The following PPP6R2 variants were observed in gnomAD, a reference collection of about 807,000 sequenced individuals.
The protein encoded by PPP6R2 is protein phosphatase 6 regulatory subunit 2.
PPP6R2 carries 62 observed loss-of-function variants against 100.2 expected under a neutral mutation model. The ratio of observed to expected loss-of-function variants is 0.62; its 90% CI spans 0.50 to 0.76. The LOEUF (loss-of-function observed/expected upper bound fraction) is 0.76. Among genes scored for constraint, PPP6R2 ranks in the 30% least tolerant of loss-of-function variants. The probability of loss-of-function intolerance (pLI) is 0.00; values close to 1 mark genes in which losing one functional copy is unlikely to be tolerated. For missense variants in PPP6R2, 1,142 were observed against 1,276.3 expected (o/e 0.89, Z 1.60); for synonymous variants, 525 against 514.7 (o/e 1.02, Z -0.27).
At chr22:50,337,659 G>T in the PPP6R2 span, among the ~76,000 whole-genome samples, 2 of 107,320 alleles carry the variant, frequency 1.9e-5, no homozygotes, top group African/African-American at 1.2e-4. Flanking sequence ...TGTGTGTGGT[G>T]TGTGTGGTGT....
chr22:50,345,999 C>G lies in PPP6R2; in HGVS notation c.-148+2449C>G, dbSNP rs140533495. ...CCCCCAGTCAGTGCCCCCCTCCAGT[C>G]AGTTCCCCCCAGTCAGTGCATCCTC... On this transcript the variant is annotated intron_variant, in intron 1 of 23. Coordinates refer to ENST00000612753, the MANE Select transcript of PPP6R2 (RefSeq NM_001242898.2). Among the ~76,000 whole-genome samples the G allele has an allele frequency of 6.0e-3, 4 of 664 alleles. 1 individual carries two copies. The African/African-American group carries it at 0.14, about 24-fold the overall frequency. The allele number at this position is 664 out of a possible 152,430, so 0.4% of individuals were successfully genotyped here.
chr22:50,393,666 A>AT (rs1435741905), intron 2 of PPP6R2: 165 of 969,876 alleles, frequency 1.7e-4, no homozygotes, highest in Non-Finnish European at 1.9e-4. Context: ...TGTGAGCCCA[A>AT]CCTGGAGAGG....
In PPP6R2 at chr22:50,441,042, CG is replaced by C. The variant is rs746258138; in HGVS notation, c.2579+21del. 1.3e-6 allele frequency: 2 copies of C among 1,535,386 alleles called. No individual in the cohort carries two copies. Among genetic ancestry groups the C allele is most frequent in the Non-Finnish European group, 1.8e-6 (2 of 1,137,868 alleles). ...CTGTCGGCAGGTGTGTGGGGCGTGG[CG>C]GGGGCGGGCCTGCCGGGTGCATAGG... On this transcript the variant is annotated intron_variant, in intron 22 of 23. Transcript: ENST00000612753.
chr22:50,409,575 GCA>G (rs2059450756), intron 4 of PPP6R2, among the ~76,000 whole-genome samples: 2 of 152,014 alleles, frequency 1.3e-5, no homozygotes, highest in South Asian at 4.1e-4. Context: ...CTGCAGGCGT[GCA>G]CCCCCACGCC....
At chr22:50,332,787 C>G in the PPP6R2 span, among the ~76,000 whole-genome samples, 1 of 151,108 alleles carries the variant, frequency 6.6e-6, no homozygotes, top group South Asian at 2.1e-4. Context: ...CCACGCCCAG[C>G]TAATTTTTGT....
At chr22:50,358,793 G>T (rs2148282769) in intron 1 of PPP6R2, among the ~76,000 whole-genome samples, 1 of 152,168 alleles carries the variant, frequency 6.6e-6, no homozygotes, top group East Asian at 1.9e-4. Context: ...CAATTATTCT[G>T]CCATCATTTG....
At chr22:50,372,696 CT>C (rs947635991) in intron 2 of PPP6R2, among the ~76,000 whole-genome samples, 9 of 148,408 alleles carry the variant, frequency 6.1e-5, no homozygotes, top group Admixed American at 6.7e-5. Context: ...TTTAATTCTT[CT>C]TTTTTTTTTG....
chr22:50,364,836 C>T (rs1373165175), intron 1 of PPP6R2, among the ~76,000 whole-genome samples: 4 of 151,646 alleles, frequency 2.6e-5, no homozygotes, highest in Non-Finnish European at 2.9e-5. Context: ...GTATTGTGTG[C>T]GGGTCCCACT....
chr22:50,336,764 T>A, the PPP6R2 span, among the ~76,000 whole-genome samples: 1 of 151,510 alleles, frequency 6.6e-6, no homozygotes. Context: ...TGCAGTACAG[T>A]GGCGTGGTCA....
chr22:50,350,553 T>A (rs2044824886), intron 1 of PPP6R2, among the ~76,000 whole-genome samples: 1 of 150,336 alleles, frequency 6.7e-6, no homozygotes, highest in African/African-American at 2.4e-5. Context: ...TCTGAAATAA[T>A]AAGAAAATTA....
At chr22:50,372,750 G>A (rs1038973843) in intron 2 of PPP6R2, among the ~76,000 whole-genome samples, 1 of 150,998 alleles carries the variant, frequency 6.6e-6, no homozygotes, top group Non-Finnish European at 1.5e-5. Context: ...GTGCAGTGGT[G>A]TGATCTCGGC....
chr22:50,440,058 G>C lies in PPP6R2; in HGVS notation c.2374+9G>C, dbSNP rs1697010241. ...AGGCCCTGAGAAAGCCTGTGAGTAGGAGCAGTGCAGGCGGCACCCAGCCTT... is the reference window on the plus strand; with the variant it reads ...AGGCCCTGAGAAAGCCTGTGAGTAGCAGCAGTGCAGGCGGCACCCAGCCTT... On this transcript the variant is annotated intron_variant, in intron 21 of 23. Transcript: ENST00000612753. 6.2e-7 allele frequency: 1 copy of C among 1,608,874 alleles called. No homozygotes were observed. The highest frequency in any genetic ancestry group is 1.3e-5 in the African/African-American group (1 of 75,000).
the PPP6R2 span, among the ~76,000 whole-genome samples, chr22:50,337,535 G>A: frequency 4.4e-3 from 642 of 144,320 alleles, 2 homozygotes; most frequent in African/African-American, 0.015. Context: ...TGTGTATAGT[G>A]TGTGCGATGT....
intron 6 of PPP6R2, among the ~76,000 whole-genome samples, chr22:50,417,389 G>A (rs998146390): frequency 1.3e-5 from 2 of 152,134 alleles, no homozygotes; most frequent in African/African-American, 4.8e-5. Context: ...ACTCCAGGAC[G>A]GGATTGCTAG....
intron 4 of PPP6R2, among the ~76,000 whole-genome samples, chr22:50,410,008 G>A (rs1603283253): frequency 6.6e-6 from 1 of 152,148 alleles, no homozygotes; most frequent in Non-Finnish European, 1.5e-5. Flanking sequence ...GATTACAGGT[G>A]TGAGCCACTG....
In PPP6R2 at chr22:50,437,485, CCCT is replaced by C; in HGVS notation, c.1684-18_1684-16del. ...CCATGACCGGTGTCTGTCCGTCCCT[CCCT>C]CCCTCCCTCCCTCCCAGGCCTTCTC... On this transcript the variant is annotated intron_variant, in intron 15 of 23. Transcript: ENST00000612753. 3 of 545,564 alleles carry C rather than the reference CCCT, an allele frequency of 5.5e-6. No individual in the cohort carries two copies. Among genetic ancestry groups the C allele is most frequent in the Admixed American group, 4.2e-5 (2 of 47,664 alleles). The allele number at this position is 545,564 out of a possible 1,614,324, so 33.8% of individuals were successfully genotyped here. A position where few individuals can be genotyped will look rare whatever the true frequency, so the allele number is the denominator to read the frequency against.
In PPP6R2 at chr22:50,444,346, AATTTT is replaced by A; in HGVS notation, c.*101_*105del. 1 of 1,367,940 alleles carries A rather than the reference AATTTT, an allele frequency of 7.3e-7. No homozygotes were observed. The highest frequency in any genetic ancestry group is 9.9e-7 in the Non-Finnish European group (1 of 1,008,168). The allele number at this position is 1,367,940 out of a possible 1,614,324, so 84.7% of individuals were successfully genotyped here. A position where few individuals can be genotyped will look rare whatever the true frequency, so the allele number is the denominator to read the frequency against. ...ATCTTTTTTTTTTTTAATTTAATTT[AATTTT>A]AAAATAAATGCTGCATTGGTAAAGC... On this transcript the variant is annotated 3_prime_UTR_variant, in exon 24 of 24. Coordinates refer to ENST00000612753, the MANE Select transcript of PPP6R2 (RefSeq NM_001242898.2).
Position 50,365,536 on chromosome 22 carries a change from C to T in PPP6R2, c.-147-6484C>T, listed in dbSNP as rs370103054. Among the ~76,000 whole-genome samples the T allele has an allele frequency of 5.3e-5, 8 of 151,624 alleles. No individual in the cohort carries two copies. In the South Asian group the frequency reaches 1.0e-3, roughly 20 times the overall value. ...TACTAAAAAATACAAAAAATTAGCC[C>T]GGCGTGGTGGCGGGCGCCTGTAGTC... On this transcript the variant is annotated intron_variant, in intron 1 of 23. Coordinates refer to ENST00000612753, the MANE Select transcript of PPP6R2 (RefSeq NM_001242898.2).
Position 50,381,114 on chromosome 22 carries a change from CA to C in PPP6R2, c.-17+8981del, listed in dbSNP as rs768271991. ...GGGTGACAGGAATGAAACTTTGTCT[CA>C]AAAAAAAAAAAAAAAAGAGAACTCA... On this transcript the variant is annotated intron_variant, in intron 2 of 23. Coordinates refer to ENST00000612753, the MANE Select transcript of PPP6R2 (RefSeq NM_001242898.2). Among the ~76,000 whole-genome samples, 371 of 112,924 alleles carry C rather than the reference CA, an allele frequency of 3.3e-3. 2 individuals carry two copies. The highest frequency in any genetic ancestry group is 6.7e-3 in the African/African-American group (215 of 32,022). 74.1% of individuals were successfully genotyped at this position (112,924 alleles called of 152,430 possible).
Sources: allele counts gnomAD v4.1 joint callset (sites outside exome capture counted in the v4.1 genomes callset), GRCh38; gene constraint gnomAD v4.1.1; transcripts MANE v1.5; gene names NCBI Gene and HGNC (gene_info 2026-07-23, HGNC 2026-07-21).